Variants in PCDHGB7 observed in about 807,000 individuals in gnomAD.
PCDHGB7 encodes the protein protocadherin gamma-B7.
Under a neutral mutation model 61.4 loss-of-function variants are expected in PCDHGB7, and 37 were observed. The ratio of observed to expected loss-of-function variants is 0.60; its 90% confidence interval spans 0.46 to 0.79. The LOEUF (loss-of-function observed/expected upper bound fraction) is 0.79. Ranked by LOEUF, PCDHGB7 falls within the 30% of genes least tolerant of loss-of-function variation. PCDHGB7 has a pLI of 0.00. For synonymous variants in PCDHGB7, 464 were observed against 503.5 expected, an observed-to-expected ratio of 0.92 and a Z score of 1.05; for missense variants, 1,166 against 1,202.5, an observed-to-expected ratio of 0.97 and a Z score of 0.45.
At position 141,485,260 on chromosome 5, in the gene PCDHGB7, G is replaced by A. The variant is rs773919574; in HGVS notation, c.2416-9547G>A. On this transcript the variant is annotated intron_variant, in intron 1 of 3. Transcript: ENST00000398594. This position sits in a 1 kb window ranked among gnomAD's most constrained non-coding sequence, Gnocchi z 5.7. ...TTTACCACCTGGGTTACGTTTGTGG[G>A]CAGATCCGCTACCCGGTCCCAGAGG... The A allele has an allele frequency of 8.7e-6, 14 of 1,614,002 alleles. No individual in the cohort carries two copies. In the African/African-American group the frequency reaches 1.5e-4, roughly 17 times the overall value.
chr5:141,491,390 T>G lies in PCDHGB7; in HGVS notation c.2416-3417T>G. 1 of 1,614,130 alleles carries G rather than the reference T, an allele frequency of 6.2e-7. No individual in the cohort carries two copies. Among genetic ancestry groups the G allele is most frequent in the Admixed American group, 1.7e-5 (1 of 60,028 alleles). ...TTCACCTTTCTGTCAGCGAAGTGCC[T>G]TCAGGGAAACGCAGACGGGGACGGG... On this transcript the variant is annotated intron_variant, in intron 1 of 3. Transcript: ENST00000398594. The surrounding 1 kb of genome is among the most constrained non-coding windows in gnomAD (Gnocchi z 6.9).
Position 141,485,220 on chromosome 5 carries a change from C to T in PCDHGB7, c.2416-9587C>T. The T allele has an allele frequency of 6.2e-7, 1 of 1,614,192 alleles. No homozygotes were observed. The highest frequency in any genetic ancestry group is 8.5e-7 in the Non-Finnish European group (1 of 1,180,024). On this transcript the variant is annotated intron_variant, in intron 1 of 3. Transcript: ENST00000398594. This position sits in a 1 kb window ranked among gnomAD's most constrained non-coding sequence, Gnocchi z 5.7. ...TGGACAGAAATCTGGCGGTGGGCTA[C>T]CCTTTTGTTCCTCTTTTACCACCTG... is the stretch of plus-strand genomic sequence containing the variant.
At chr5:141,479,476 G>A (rs1481785254) in intron 1 of PCDHGB7, 1 of 152,250 alleles carries the variant, frequency 6.6e-6, no homozygotes, top group African/African-American at 2.4e-5. Context: ...CCTCTTGGGA[G>A]GGCAGGACCA....
At position 141,486,883 on chromosome 5, in the gene PCDHGB7, C is replaced by G. The variant is rs1234866888; in HGVS notation, c.2416-7924C>G. The G allele has an allele frequency of 1.2e-6, 2 of 1,614,214 alleles. No individual in the cohort carries two copies. ...CTCCAGCTGTGCTCCGTCCTCGGGC[C>G]CGGCCTGGTTCCTTATGTCCCCAAG... On this transcript the variant is annotated intron_variant, in intron 1 of 3. Coordinates refer to ENST00000398594, the MANE Select transcript of PCDHGB7 (RefSeq NM_018927.4). The surrounding 1 kb of genome is among the most constrained non-coding windows in gnomAD (Gnocchi z 5.0).
In PCDHGB7 at chr5:141,489,950, A is replaced by C. The variant is rs1055715796; in HGVS notation, c.2416-4857A>C. 1 of 1,614,192 alleles carries C rather than the reference A, an allele frequency of 6.2e-7. No homozygotes were observed. The highest frequency in any genetic ancestry group is 1.3e-5 in the African/African-American group (1 of 75,060). ...TCTGTCATCGTGCTGGACATCAATG[A>C]TAATGCTCCAACCTTCCAATCCTCA... is the stretch of plus-strand genomic sequence containing the variant. On this transcript the variant is annotated intron_variant, in intron 1 of 3. Coordinates refer to ENST00000398594, the MANE Select transcript of PCDHGB7 (RefSeq NM_018927.4). The surrounding 1 kb of genome is among the most constrained non-coding windows in gnomAD (Gnocchi z 4.5).
In PCDHGB7 at chr5:141,432,854, G is replaced by A. The variant is rs769962088; in HGVS notation, c.2415+12580G>A. 1 of 1,614,192 alleles carries A rather than the reference G, an allele frequency of 6.2e-7. No homozygotes were observed. On this transcript the variant is annotated intron_variant, in intron 1 of 3. Transcript: ENST00000398594. The surrounding 1 kb of genome is among the most constrained non-coding windows in gnomAD (Gnocchi z 6.0). ...TCTGTACCTGGTGGTAGCGGTGGCC[G>A]CGGTCTCCTGCGTCTTCCTGGCCTT...
At chr5:141,502,234 C>T (rs1482411915) in intron 2 of PCDHGB7, among the ~76,000 whole-genome samples, 1 of 152,108 alleles carries the variant, frequency 6.6e-6, no homozygotes, top group Non-Finnish European at 1.5e-5. Flanking sequence ...TCTGTGTGTT[C>T]TTTTATCCTT....
In PCDHGB7 at chr5:141,490,540, C is replaced by T; in HGVS notation, c.2416-4267C>T. The T allele has an allele frequency of 6.2e-7, 1 of 1,614,148 alleles. No homozygotes were observed. Among genetic ancestry groups the T allele is most frequent in the Non-Finnish European group, 8.5e-7 (1 of 1,180,024 alleles). ...GGCCAGCGATGCTGGTTCACCTTCC[C>T]TACACAAACATCTCACCATCAGGCT... On this transcript the variant is annotated intron_variant, in intron 1 of 3. Coordinates refer to ENST00000398594, the MANE Select transcript of PCDHGB7 (RefSeq NM_018927.4). This position sits in a 1 kb window ranked among gnomAD's most constrained non-coding sequence, Gnocchi z 5.4.
chr5:141,476,049 C>T lies in PCDHGB7; in HGVS notation c.2416-18758C>T. 2.0e-6 allele frequency: 3 copies of T among 1,501,848 alleles called. No homozygotes were observed. The South Asian group carries it at 4.0e-5, about 20-fold the overall frequency. 93.0% of individuals were successfully genotyped at this position (1,501,848 alleles called of 1,614,324 possible). ...CGCCCAGCGCCCAAGCGCTAACCCG[C>T]TGAAAGTTTCTCAGCGAAATCTCAG... On this transcript the variant is annotated intron_variant, in intron 1 of 3. Coordinates refer to ENST00000398594, the MANE Select transcript of PCDHGB7 (RefSeq NM_018927.4). This position sits in a 1 kb window ranked among gnomAD's most constrained non-coding sequence, Gnocchi z 7.6.
chr5:141,487,920 C>G lies in PCDHGB7; in HGVS notation c.2416-6887C>G, dbSNP rs561819225. On this transcript the variant is annotated intron_variant, in intron 1 of 3. Coordinates refer to ENST00000398594, the MANE Select transcript of PCDHGB7 (RefSeq NM_018927.4). This position sits in a 1 kb window ranked among gnomAD's most constrained non-coding sequence, Gnocchi z 5.0. ...TGGAATGTGGGAGCACAGGAGGCTA[C>G]AGTGCACAGGGTACAGTGCACCAGG... The G allele has an allele frequency of 4.7e-6, 3 of 644,662 alleles. No individual in the cohort carries two copies. The Admixed American group carries it at 8.5e-5, about 18-fold the overall frequency. 39.9% of individuals were successfully genotyped at this position (644,662 alleles called of 1,614,324 possible).
intron 1 of PCDHGB7, among the ~76,000 whole-genome samples, chr5:141,436,469 G>A (rs376024456): frequency 6.6e-6 from 1 of 152,304 alleles, no homozygotes; most frequent in East Asian, 1.9e-4. Flanking sequence ...ATTTTCAGAT[G>A]TATCATAGAA....
intron 1 of PCDHGB7, among the ~76,000 whole-genome samples, chr5:141,436,923 T>C (rs2097854286): frequency 6.6e-6 from 1 of 152,224 alleles, no homozygotes; most frequent in African/African-American, 2.4e-5. Flanking sequence ...GAGTGTTACT[T>C]TTTCTTTGTC....
Position 141,501,290 on chromosome 5 carries a change from TACACACACACACAC to T in PCDHGB7, c.2475-4072_2475-4059del, listed in dbSNP as rs55762287. ...GTCCAGTCTATGGGATATTCCCTTA[TACACACACACACAC>T]ACACACACACACACACACACACACA... On this transcript the variant is annotated intron_variant, in intron 2 of 3. Transcript: ENST00000398594. Among the ~76,000 whole-genome samples, 10 of 136,248 alleles carry T rather than the reference TACACACACACACAC, an allele frequency of 7.3e-5. No homozygotes were observed. In the South Asian group the frequency reaches 1.2e-3, roughly 16 times the overall value. 89.4% of individuals were successfully genotyped at this position (136,248 alleles called of 152,430 possible).
At chr5:141,478,467 G>T (rs2099457769) in intron 1 of PCDHGB7, 1 of 1,613,656 alleles carries the variant, frequency 6.2e-7, no homozygotes, top group South Asian at 1.1e-5. Flanking sequence ...CCACTGGCCA[G>T]CCGCCAGAAC....
At position 141,476,193 on chromosome 5, in the gene PCDHGB7, T is replaced by C. The variant is rs1224461188; in HGVS notation, c.2416-18614T>C. On this transcript the variant is annotated intron_variant, in intron 1 of 3. Coordinates refer to ENST00000398594, the MANE Select transcript of PCDHGB7 (RefSeq NM_018927.4). The surrounding 1 kb of genome is among the most constrained non-coding windows in gnomAD (Gnocchi z 7.6). The stretch of plus-strand genomic sequence containing the variant: ...GGAGTTTTGCTTCTGCTTGGTGCCT[T>C]GAACAAGGCTTCCACGGTCATTCAC... The C allele has an allele frequency of 6.2e-7, 1 of 1,613,812 alleles. No homozygotes were observed. Among genetic ancestry groups the C allele is most frequent in the South Asian group, 1.1e-5 (1 of 91,068 alleles).
Position 141,417,924 on chromosome 5 carries a change from T to C in PCDHGB7, c.65T>C (p.Leu22Pro), listed in dbSNP as rs1197566429. ...CGGCAGGTACTATTTCCTTTGCTGCTGCCTTTGTTCTACCCCACGCTGTGT... is the reference window on the plus strand; with the variant it reads ...CGGCAGGTACTATTTCCTTTGCTGCCGCCTTTGTTCTACCCCACGCTGTGT... ...GPRQVLFPLLLPLFYPTLCEP... is the reference protein window; with the variant it reads ...GPRQVLFPLLPPLFYPTLCEP... The change falls in exon 1 of 4, where the codon CTG becomes CCG. Residue 22 changes from leucine to proline, a missense_variant. By Grantham distance (98) the Leu-to-Pro change is moderately conservative. Coordinates refer to ENST00000398594, the MANE Select transcript of PCDHGB7 (RefSeq NM_018927.4). 3 of 1,609,340 alleles carry C rather than the reference T, an allele frequency of 1.9e-6. No individual in the cohort carries two copies. Among genetic ancestry groups the C allele is most frequent in the Admixed American group, 1.7e-5 (1 of 58,762 alleles).
intron 1 of PCDHGB7, among the ~76,000 whole-genome samples, chr5:141,456,306 G>A (rs937409031): frequency 4.6e-5 from 7 of 152,158 alleles, no homozygotes; most frequent in Admixed American, 2.6e-4. Context: ...GAGAACAGCA[G>A]CTAGGGCTCC....
intron 1 of PCDHGB7, among the ~76,000 whole-genome samples, chr5:141,438,637 C>G (rs11958903): frequency 3.2e-5 from 1 of 30,940 alleles, no homozygotes. Context: ...TATATATATA[C>G]ACACACACAC....
At chr5:141,463,581 T>TG (rs2099064477) in intron 1 of PCDHGB7, among the ~76,000 whole-genome samples, 1 of 151,502 alleles carries the variant, frequency 6.6e-6, no homozygotes, top group Non-Finnish European at 1.5e-5. Context: ...CCCGAGTAGC[T>TG]GGGACTACAG....
Sources: allele counts gnomAD v4.1 joint callset (sites outside exome capture counted in the v4.1 genomes callset), GRCh38; gene constraint gnomAD v4.1.1; non-coding constraint Gnocchi (gnomAD v3.1); transcripts MANE v1.5; gene names NCBI Gene and HGNC (gene_info 2026-07-23, HGNC 2026-07-21).